The following HSPA12A variants were observed in gnomAD, a reference collection of about 807,000 sequenced individuals.
HSPA12A encodes the protein heat shock 70 kDa protein 12A.
In HSPA12A, 28 loss-of-function variants were observed where a neutral mutation model predicts 69.2. That is an observed-to-expected ratio of 0.40 (90% CI 0.30 to 0.55). HSPA12A has a LOEUF of 0.55. Ranked by LOEUF, HSPA12A falls within the 20% of genes least tolerant of loss-of-function variation. The probability of loss-of-function intolerance (pLI) is 0.38; values close to 1 mark genes in which losing one functional copy is unlikely to be tolerated. For synonymous variants in HSPA12A, 345 were observed against 370.5 expected (o/e 0.93, Z 0.79); for missense variants, 686 against 900.7 (o/e 0.76, Z 3.05).
intron 1 of HSPA12A, among the ~76,000 whole-genome samples, chr10:116,731,805 G>T (rs1428635074): frequency 2.0e-5 from 3 of 152,162 alleles, no homozygotes; most frequent in Non-Finnish European, 4.4e-5. Flanking sequence ...TCTGGCCAGG[G>T]TTGACTGTTT....
At chr10:116,774,014 CT>C (rs781996886) in intron 2 of HSPA12A, among the ~76,000 whole-genome samples, 263 of 144,682 alleles carry the variant, frequency 1.8e-3, no homozygotes, top group Admixed American at 1.7e-3. Flanking sequence ...GTGGCAAGGG[CT>C]TTTTTTTTTT....
rs565125584 is a variant in HSPA12A, at chr10:116,815,781, C to A, written c.91+19154G>T. On this transcript the variant is annotated intron_variant, in intron 2 of 12. Coordinates refer to the HSPA12A transcript ENST00000635765. Reference sequence around the variant, plus strand: ...CCTTCTTTTCAGTGCACTCTGCCTGCTGCTCGGCATGTGCTGTTGACAAGG... The same window carrying A: ...CCTTCTTTTCAGTGCACTCTGCCTGATGCTCGGCATGTGCTGTTGACAAGG... Among the ~76,000 whole-genome samples the A allele has an allele frequency of 9.0e-4, 137 of 152,318 alleles. 5 individuals are homozygous for A. In the South Asian group the frequency reaches 0.028, roughly 31 times the overall value.
Position 116,707,222 on chromosome 10 carries a change from G to A in HSPA12A, c.104C>T (p.Pro35Leu). The A allele has an allele frequency of 6.2e-7, 1 of 1,610,962 alleles. No homozygotes were observed. The highest frequency in any genetic ancestry group is 8.5e-7 in the Non-Finnish European group (1 of 1,178,782). Residue 35 changes from proline (P) to leucine (L), a missense_variant, in exon 2 of 12, where the codon CCT becomes CTT. By Grantham distance (98) the Pro-to-Leu change is moderately conservative (BLOSUM62 -3). Transcript: ENST00000369209. ...TACCACAATATGGGAGGGGGACAGAGGCGTTATTCCTGTGTCCCCAAGACT... is the reference window on the plus strand; with the variant it reads ...TACCACAATATGGGAGGGGGACAGAAGCGTTATTCCTGTGTCCCCAAGACT... ...ARSLGDTGITPLSPSHIVNDT... is the reference protein window; with the variant it reads ...ARSLGDTGITLLSPSHIVNDT...
rs560750854 is a variant in HSPA12A at position 116,723,338 on chromosome 10, C to A, written c.41-16053G>T. On this transcript the variant is annotated intron_variant, in intron 1 of 11. Coordinates refer to ENST00000369209, the MANE Select transcript of HSPA12A (RefSeq NM_025015.3). The surrounding 1 kb of genome is among the most constrained non-coding windows in gnomAD (Gnocchi z 4.1). ...GGCTGTCTGCAGGGAGAGAGGGGCC[C>A]GCTGACCTTCACGTGGGAGGATTTG... Among the ~76,000 whole-genome samples the A allele has an allele frequency of 6.6e-6, 1 of 152,108 alleles. No homozygotes were observed. The highest frequency in any genetic ancestry group is 6.6e-5 in the Admixed American group (1 of 15,266).
chr10:116,838,435 A>C (rs1845753695), intron 1 of HSPA12A, among the ~76,000 whole-genome samples: 1 of 151,946 alleles, frequency 6.6e-6, no homozygotes, highest in Non-Finnish European at 1.5e-5. Context: ...GGGGGGGAAA[A>C]CAGAACATTT....
At position 116,693,838 on chromosome 10, in the gene HSPA12A, T is replaced by C. The variant is rs569193094; in HGVS notation, c.547-1371A>G. Among the ~76,000 whole-genome samples, 6 of 152,342 alleles carry C rather than the reference T, an allele frequency of 3.9e-5. No homozygotes were observed. The East Asian group carries it at 1.2e-3, about 29-fold the overall frequency. Reference sequence around the variant, plus strand: ...ACCCTAAAATTCATCACCTTAACCATTTTTAAGTGCACAGTTAAGTACATT... The same window carrying C: ...ACCCTAAAATTCATCACCTTAACCACTTTTAAGTGCACAGTTAAGTACATT... On this transcript the variant is annotated intron_variant, in intron 5 of 11. Coordinates refer to ENST00000369209, the MANE Select transcript of HSPA12A (RefSeq NM_025015.3).
At chr10:116,807,536 C>G (rs1845092396) in intron 2 of HSPA12A, among the ~76,000 whole-genome samples, 1 of 152,138 alleles carries the variant, frequency 6.6e-6, no homozygotes, top group Non-Finnish European at 1.5e-5. Flanking sequence ...GTTGATGTAG[C>G]AATGCTTCTA....
Position 116,679,696 on chromosome 10 carries a change from C to T in HSPA12A, c.1093G>A (p.Glu365Lys), listed in dbSNP as rs1199936546. The T allele has an allele frequency of 4.3e-6, 7 of 1,613,998 alleles. No individual in the cohort carries two copies. Among genetic ancestry groups the T allele is most frequent in the Non-Finnish European group, 5.1e-6 (6 of 1,179,974 alleles). Residue 365 changes from glutamate to lysine, a missense_variant, in exon 10 of 12, where the codon GAG (glutamate) becomes AAG (lysine). Transcript: ENST00000369209. ...ATTTTGAATTGTTCAATAAAATCCT[C>T]TCCAAATATTTTATACAGAAGTTTT... The part of the protein sequence containing the change: ...FEKLLYKIFG[E>K]DFIEQFKIKR...
intron 1 of HSPA12A, among the ~76,000 whole-genome samples, chr10:116,736,397 C>A (rs1851316549): frequency 1.3e-5 from 2 of 152,150 alleles, no homozygotes; most frequent in Non-Finnish European, 1.5e-5. Context: ...TCCAACACCC[C>A]AAACCTAGGC....
chr10:116,765,187 G>A (rs1589692281), intron 2 of HSPA12A, among the ~76,000 whole-genome samples: 1 of 152,280 alleles, frequency 6.6e-6, no homozygotes, highest in East Asian at 1.9e-4. Context: ...TGACACTCCA[G>A]TGACAATGAG....
At chr10:116,833,371 G>A (rs911801691) in intron 2 of HSPA12A, 1 of 152,152 alleles carries the variant, frequency 6.6e-6, no homozygotes, top group Admixed American at 6.5e-5. Flanking sequence ...CAGCCTGGGG[G>A]AGCTGAGAAT....
chr10:116,777,038 G>T (rs1433116039), intron 2 of HSPA12A, among the ~76,000 whole-genome samples: 4 of 152,246 alleles, frequency 2.6e-5, no homozygotes, highest in African/African-American at 4.8e-5. Flanking sequence ...AAAGCTCCTG[G>T]GTGGACCATG....
At chr10:116,817,346 C>T (rs1845324656) in intron 2 of HSPA12A, among the ~76,000 whole-genome samples, 1 of 152,108 alleles carries the variant, frequency 6.6e-6, no homozygotes. Flanking sequence ...AAAACAATGG[C>T]ATTCCAGAGA....
At chr10:116,781,222 C>T (rs189405161) in intron 2 of HSPA12A, among the ~76,000 whole-genome samples, 59 of 152,190 alleles carry the variant, frequency 3.9e-4, no homozygotes, top group Middle Eastern at 3.4e-3. Flanking sequence ...ATCTCTTGAG[C>T]CCAGGAGGCC....
At chr10:116,692,496 G>A (rs1849765444) in intron 5 of HSPA12A, 29 bp from the exon 6 acceptor site, 1 of 1,558,454 alleles carries the variant, frequency 6.4e-7, no homozygotes, top group Non-Finnish European at 8.8e-7. Context: ...AATGCAACAG[G>A]TCAAGTGGCA....
chr10:116,685,360 C>T (rs1554879378), intron 6 of HSPA12A, among the ~76,000 whole-genome samples: 1 of 151,930 alleles, frequency 6.6e-6, no homozygotes, highest in African/African-American at 2.4e-5. Context: ...AGTGGCCAGG[C>T]GTGGTGGCTC....
chr10:116,815,513 G>A (rs968461850), intron 2 of HSPA12A, among the ~76,000 whole-genome samples: 4 of 152,138 alleles, frequency 2.6e-5, no homozygotes, highest in African/African-American at 7.2e-5. Context: ...ACACGGAGAT[G>A]GCAGTGAGCC....
intron 1 of HSPA12A, among the ~76,000 whole-genome samples, chr10:116,848,962 C>G (rs1216525196): frequency 2.0e-5 from 3 of 152,218 alleles, no homozygotes; most frequent in African/African-American, 4.8e-5. Context: ...AGCCAGCACA[C>G]GGCTCGGCTC....
rs539554025 is a variant in HSPA12A at position 116,755,683 on chromosome 10, G to A, written c.92-48398C>T. 4.0e-5 allele frequency among the ~76,000 whole-genome samples: 6 copies of A among 151,218 alleles called. No homozygotes were observed. In the South Asian group the frequency reaches 1.3e-3, roughly 32 times the overall value. On this transcript the variant is annotated intron_variant, in intron 2 of 12. Transcript: ENST00000635765. The stretch of plus-strand genomic sequence containing the variant: ...TCACTTATTAAGCGGGGGATTGGGA[G>A]GAGGCTAAGTGCAGTGGCTCACGTC...
Sources: allele counts gnomAD v4.1 joint callset (sites outside exome capture counted in the v4.1 genomes callset), GRCh38; gene constraint gnomAD v4.1.1; non-coding constraint Gnocchi (gnomAD v3.1); transcripts MANE v1.5; gene names NCBI Gene and HGNC (gene_info 2026-07-23, HGNC 2026-07-21).